DYM: variants seen among roughly 807,000 people sequenced by gnomAD.
DYM encodes the protein dymeclin, also known as dyggve-Melchior-Clausen syndrome protein.
Under a neutral mutation model 93.1 loss-of-function variants are expected in DYM, and 78 were observed. The ratio of observed to expected loss-of-function variants is 0.84; its 90% CI spans 0.70 to 1.01. DYM has a LOEUF of 1.01. Among genes scored for constraint, DYM ranks in the 50% least tolerant of loss-of-function variants. The pLI, the probability that DYM is intolerant of heterozygous loss-of-function variation, is 0.00. For synonymous variants in DYM, 321 were observed against 319.7 expected, an observed-to-expected ratio of 1.00 and a Z score of -0.04; for missense variants, 789 against 845.0, an observed-to-expected ratio of 0.93 and a Z score of 0.82.
At chr18:49,110,854 C>G (rs559345813) in intron 16 of DYM, among the ~76,000 whole-genome samples, 2 of 152,118 alleles carry the variant, frequency 1.3e-5, no homozygotes, top group Non-Finnish European at 2.9e-5. Context: ...CATCTGATAT[C>G]GTCCTATAGC....
chr18:49,261,709 CTT>C lies in DYM; in HGVS notation c.1252-3218_1252-3217del, dbSNP rs564614501. Among the ~76,000 whole-genome samples the C allele has an allele frequency of 9.2e-5, 14 of 152,254 alleles. No homozygotes were observed. In the East Asian group the frequency reaches 2.7e-3, roughly 29 times the overall value. The stretch of plus-strand genomic sequence containing the variant: ...ACAGTAACATTATATAATATCAACT[CTT>C]TTAAAAAAATTAAATATGTTTGGGA... On this transcript the variant is annotated intron_variant, in intron 11 of 17. Transcript: ENST00000675505.
At chr18:49,071,553 A>G (rs2144897142) in intron 17 of DYM, among the ~76,000 whole-genome samples, 1 of 152,368 alleles carries the variant, frequency 6.6e-6, no homozygotes, top group East Asian at 1.9e-4. Context: ...GATTATGAGC[A>G]AAACCACCAG....
intron 13 of DYM, among the ~76,000 whole-genome samples, chr18:49,233,848 C>T (rs188948615): frequency 1.8e-4 from 28 of 152,210 alleles, no homozygotes; most frequent in Admixed American, 6.5e-4. Context: ...TAGTGCTGGC[C>T]GGGCGCGGTG....
At position 49,206,470 on chromosome 18, in the gene DYM, A is replaced by C. The variant is rs2092512401; in HGVS notation, c.1625+3081T>G. 3.3e-5 allele frequency: 5 copies of C among 152,266 alleles called. No individual in the cohort carries two copies. In the South Asian group the frequency reaches 1.0e-3, roughly 32 times the overall value. 9.4% of individuals were successfully genotyped at this position (152,266 alleles called of 1,614,324 possible). A position where few individuals can be genotyped will look rare whatever the true frequency, so the allele number is the denominator to read the frequency against. On this transcript the variant is annotated intron_variant, in intron 14 of 17. Coordinates refer to ENST00000675505, the MANE Select transcript of DYM (RefSeq NM_001353214.3). ...ATATAATGTAGTTCTGTTGAAGAAA[A>C]TCTCTCACCTGCAGGGACTACACTC... is the stretch of plus-strand genomic sequence containing the variant.
chr18:49,063,306 T>TC (rs2076131488), intron 17 of DYM, among the ~76,000 whole-genome samples: 1 of 145,114 alleles, frequency 6.9e-6, no homozygotes, highest in Non-Finnish European at 1.5e-5. Context: ...AGATTTCTTT[T>TC]CTTTTTTTTT....
intron 8 of DYM, among the ~76,000 whole-genome samples, chr18:49,305,498 A>C (rs1372896466): frequency 6.6e-6 from 1 of 152,196 alleles, no homozygotes; most frequent in East Asian, 1.9e-4. Flanking sequence ...AGAATCTATC[A>C]GAAGAGAACT....
intron 17 of DYM, among the ~76,000 whole-genome samples, chr18:49,052,182 G>A (rs564636035): frequency 6.6e-6 from 1 of 152,308 alleles, no homozygotes; most frequent in African/African-American, 2.4e-5. Flanking sequence ...CAGTGCCTGG[G>A]AACACTTTAA....
intron 14 of DYM, among the ~76,000 whole-genome samples, chr18:49,201,067 C>T (rs1006091522): frequency 6.6e-6 from 1 of 152,138 alleles, no homozygotes; most frequent in Non-Finnish European, 1.5e-5. Flanking sequence ...AAAATCTTCA[C>T]TCTTAAAAAA....
chr18:49,435,423 TAAAA>T (rs58887917), intron 1 of DYM, among the ~76,000 whole-genome samples: 9,349 of 124,764 alleles, frequency 0.075, 498 homozygotes, highest in East Asian at 0.29. Context: ...ACTAAAACAG[TAAAA>T]AAAAAAAAAA....
chr18:49,075,937 G>A (rs2077267163), intron 17 of DYM, among the ~76,000 whole-genome samples: 1 of 152,190 alleles, frequency 6.6e-6, no homozygotes, highest in Non-Finnish European at 1.5e-5. Flanking sequence ...ACACTTAAAA[G>A]CTTGATAACA....
intron 2 of DYM, among the ~76,000 whole-genome samples, chr18:49,399,609 A>G (rs1181270674): frequency 1.3e-5 from 2 of 152,140 alleles, no homozygotes; most frequent in African/African-American, 4.8e-5. Context: ...CTCACCTAAG[A>G]CAAGGTAAGA....
intron 8 of DYM, among the ~76,000 whole-genome samples, chr18:49,317,674 TTCCTTCCTTCCTTC>T (rs2062109525): frequency 4.0e-5 from 5 of 125,486 alleles, no homozygotes; most frequent in African/African-American, 1.5e-4. Flanking sequence ...CCTTCCTTCC[TTCCTTCCTTCCTTC>T]CTTTCTTTCT....
Position 49,217,138 on chromosome 18 carries a change from G to A in DYM, c.1461-7423C>T, listed in dbSNP as rs145068490. ...GCCTCAGGAGCCAATGCGATCAACT[G>A]GAAGAAAGGGTATCAGTGATGCAAG... On this transcript the variant is annotated intron_variant, in intron 13 of 17. Coordinates refer to ENST00000675505, the MANE Select transcript of DYM (RefSeq NM_001353214.3). Among the ~76,000 whole-genome samples the A allele has an allele frequency of 8.2e-3, 1,249 of 152,274 alleles. 5 individuals are homozygous for A. Among genetic ancestry groups the A allele is most frequent in the Non-Finnish European group, 0.015 (1,006 of 68,024 alleles).
intron 3 of DYM, among the ~76,000 whole-genome samples, chr18:49,384,443 T>C (rs2068376586): frequency 6.6e-6 from 1 of 150,706 alleles, no homozygotes; most frequent in South Asian, 2.1e-4. Flanking sequence ...CTGGCCAATA[T>C]GGTGAAACCC....
chr18:49,440,515 T>C (rs1454256555), intron 1 of DYM, among the ~76,000 whole-genome samples: 1 of 54,096 alleles, frequency 1.8e-5, no homozygotes, highest in South Asian at 9.8e-4. Context: ...ATATATTATA[T>C]ATTTATATAA....
At chr18:49,106,802 T>C (rs2080863980) in intron 16 of DYM, among the ~76,000 whole-genome samples, 2 of 152,254 alleles carry the variant, frequency 1.3e-5, no homozygotes, top group African/African-American at 4.8e-5. Flanking sequence ...CTTCCCTTTG[T>C]GGGTAACCCG....
intron 10 of DYM, among the ~76,000 whole-genome samples, chr18:49,278,780 G>C (rs2094905838): frequency 6.6e-6 from 1 of 151,998 alleles, no homozygotes; most frequent in South Asian, 2.1e-4. Flanking sequence ...GCCAAGCCTG[G>C]ATAACATCAT....
intron 17 of DYM, among the ~76,000 whole-genome samples, chr18:49,079,079 T>C (rs1331640125): frequency 2.0e-5 from 3 of 152,258 alleles, no homozygotes; most frequent in Admixed American, 2.0e-4. Context: ...CTGTTTGGTG[T>C]CAGCATCTCA....
At chr18:49,380,000 T>C (rs1374186390) in intron 3 of DYM, among the ~76,000 whole-genome samples, 1 of 152,166 alleles carries the variant, frequency 6.6e-6, no homozygotes, top group African/African-American at 2.4e-5. Context: ...GTAGCCATCT[T>C]ATCTCAGAAT....
Sources: gnomAD v4.1 joint callset for allele counts (sites outside exome capture counted in the v4.1 genomes callset) on GRCh38, gnomAD v4.1.1 for gene constraint, MANE v1.5 for transcripts, NCBI Gene and HGNC (gene_info 2026-07-23, HGNC 2026-07-21) for gene names.